The following CDCP1 variants were observed in gnomAD, a reference collection of about 807,000 sequenced individuals.
CDCP1 encodes the protein CUB domain containing protein 1, also known as CUB domain-containing protein 1.
A neutral mutation model predicts 60.2 loss-of-function variants in CDCP1; 29 were observed. The observed-to-expected ratio is 0.48, with a 90% confidence interval of 0.36 to 0.66. The LOEUF (loss-of-function observed/expected upper bound fraction) is 0.66, where lower values mean the gene tolerates loss of function less well. Among genes scored for constraint, CDCP1 ranks in the 30% least tolerant of loss-of-function variants. The pLI is 0.00. For synonymous variants in CDCP1, 387 were observed against 431.1 expected (o/e 0.90, Z 1.27); for missense variants, 876 against 1,074.3 (o/e 0.82, Z 2.58).
At chr3:45,088,480 A>G (rs1698237485) in intron 8 of CDCP1, among the ~76,000 whole-genome samples, 1 of 152,184 alleles carries the variant, frequency 6.6e-6, no homozygotes, top group Non-Finnish European at 1.5e-5. Flanking sequence ...CTCAAAAATA[A>G]ATAAATAAAT....
rs1359892466 is a variant in CDCP1 at position 45,083,902 on chromosome 3, C to T, written c.*1736G>A. On this transcript the variant is annotated 3_prime_UTR_variant, in exon 9 of 9. Coordinates refer to ENST00000296129, the MANE Select transcript of CDCP1 (RefSeq NM_022842.5). ...CCAGCCTAGGCAACAGAATGAGATC[C>T]TGTCTCACATTAAAAAAAAAAAGAA... 6.6e-6 allele frequency: 1 copy of T among 150,460 alleles called. No homozygotes were observed. Among genetic ancestry groups the T allele is most frequent in the Non-Finnish European group, 1.5e-5 (1 of 67,766 alleles). 9.3% of individuals were successfully genotyped at this position (150,460 alleles called of 1,614,324 possible).
intron 5 of CDCP1, among the ~76,000 whole-genome samples, 163 bp from the exon 6 acceptor site, chr3:45,093,820 T>G (rs554455373): frequency 1.8e-3 from 267 of 152,216 alleles, no homozygotes; most frequent in Non-Finnish European, 3.4e-3. Context: ...TCTGTGTTCC[T>G]TTTCTAGCGG....
At chr3:45,128,086 T>C (rs1699032719) in intron 1 of CDCP1, among the ~76,000 whole-genome samples, 1 of 152,140 alleles carries the variant, frequency 6.6e-6, no homozygotes, top group African/African-American at 2.4e-5. Flanking sequence ...AAGGACCACA[T>C]TAAACACTGC....
rs1698829447 is a variant in CDCP1 at position 45,118,475 on chromosome 3, C to T, written c.229G>A (p.Val77Ile). ...GGACTCTGGCAGCTAAAGGTAAAGA[C>T]TATTCTTTCTCCAGACTTGATGGAC... Reference protein sequence around the residue: ...MLSIKSGERIVFTFSCQSPEN... With the variant: ...MLSIKSGERIIFTFSCQSPEN... Residue 77 changes from valine (V) to isoleucine (I), a missense_variant, in exon 2 of 9, where the codon GTC (valine) becomes ATC (isoleucine). By Grantham distance (29) the Val-to-Ile change is conservative. Transcript: ENST00000296129. 6.2e-7 allele frequency: 1 copy of T among 1,614,152 alleles called. No individual in the cohort carries two copies.
Position 45,109,571 on chromosome 3 carries a change from C to T in CDCP1, c.1024+902G>A, listed in dbSNP as rs532730665. Among the ~76,000 whole-genome samples the T allele has an allele frequency of 2.0e-5, 3 of 152,168 alleles. No homozygotes were observed. In the East Asian group the frequency reaches 5.8e-4, roughly 30 times the overall value. ...TCACTCCTTCACATCATGCATGAGG[C>T]CCAGGAAGAGCCAGTCTGAGTTAAT... On this transcript the variant is annotated intron_variant, in intron 4 of 8. Transcript: ENST00000296129.
At chr3:45,102,642 TA>T (rs770440044) in intron 4 of CDCP1, among the ~76,000 whole-genome samples, 319 of 122,248 alleles carry the variant, frequency 2.6e-3, no homozygotes, top group Middle Eastern at 4.0e-3. Context: ...CTGTTTCTAC[TA>T]AAAAAAAAAA....
At chr3:45,131,139 G>T (rs1302782235) in intron 1 of CDCP1, among the ~76,000 whole-genome samples, 1 of 151,638 alleles carries the variant, frequency 6.6e-6, no homozygotes, top group Non-Finnish European at 1.5e-5. Context: ...TGGGATGACG[G>T]GTGCATGCCA....
At chr3:45,111,096 A>G (rs553219349) in intron 3 of CDCP1, among the ~76,000 whole-genome samples, 1 of 152,340 alleles carries the variant, frequency 6.6e-6, no homozygotes, top group South Asian at 2.1e-4. Context: ...GCCCACTTCC[A>G]TAGTGGATGT....
At chr3:45,106,483 A>G (rs1306518900) in intron 4 of CDCP1, among the ~76,000 whole-genome samples, 3 of 152,178 alleles carry the variant, frequency 2.0e-5, no homozygotes, top group African/African-American at 7.2e-5. Flanking sequence ...TTATGGTGCA[A>G]CTGGCTCTTG....
chr3:45,102,787 A>G (rs1379093569), intron 4 of CDCP1, among the ~76,000 whole-genome samples: 2 of 152,016 alleles, frequency 1.3e-5, no homozygotes, highest in African/African-American at 2.4e-5. Flanking sequence ...CAGCCTCCCT[A>G]GTAGCTGGGA....
At chr3:45,120,355 G>C (rs1485148318) in intron 1 of CDCP1, among the ~76,000 whole-genome samples, 1 of 152,116 alleles carries the variant, frequency 6.6e-6, no homozygotes, top group African/African-American at 2.4e-5. Context: ...AACCTTATAT[G>C]AACTGTAAAT....
intron 1 of CDCP1, among the ~76,000 whole-genome samples, chr3:45,140,586 C>A (rs1699272547): frequency 6.6e-6 from 1 of 152,180 alleles, no homozygotes; most frequent in East Asian, 1.9e-4. Context: ...TCATTACATA[C>A]CAGCTAGGGA....
Position 45,084,189 on chromosome 3 carries a change from G to C in CDCP1, c.*1449C>G, listed in dbSNP as rs1698147680. 6.6e-6 allele frequency: 1 copy of C among 152,076 alleles called. No homozygotes were observed. Among genetic ancestry groups the C allele is most frequent in the African/African-American group, 2.4e-5 (1 of 41,400 alleles). 9.4% of individuals were successfully genotyped at this position (152,076 alleles called of 1,614,324 possible). On this transcript the variant is annotated 3_prime_UTR_variant, in exon 9 of 9. Transcript: ENST00000296129. ...GCTCCAGCCAGTTGTTGCTAGGTGA[G>C]AATGTGAGCCCCAGCATGGCCAGAT...
At chr3:45,110,901 G>A in intron 3 of CDCP1, 60 bp from the exon 4 acceptor site, 1 of 1,543,136 alleles carries the variant, frequency 6.5e-7, no homozygotes, top group Non-Finnish European at 8.7e-7. Flanking sequence ...TGTCCTGGTT[G>A]TCTGCAGCCG....
chr3:45,117,488 G>A (rs1698811971), intron 2 of CDCP1, among the ~76,000 whole-genome samples: 1 of 152,110 alleles, frequency 6.6e-6, no homozygotes, highest in African/African-American at 2.4e-5. Flanking sequence ...CGTCACATGA[G>A]TAGTAGCCCT....
chr3:45,134,638 A>G (rs1699163744), intron 1 of CDCP1, among the ~76,000 whole-genome samples: 1 of 152,168 alleles, frequency 6.6e-6, no homozygotes, highest in African/African-American at 2.4e-5. Flanking sequence ...GGGACGGGAG[A>G]GCAAACCACA....
At chr3:45,119,926 G>A (rs923906841) in intron 1 of CDCP1, among the ~76,000 whole-genome samples, 1 of 152,204 alleles carries the variant, frequency 6.6e-6, no homozygotes, top group African/African-American at 2.4e-5. Context: ...TCATGCAAAT[G>A]GAAGCCTATA....
intron 8 of CDCP1, among the ~76,000 whole-genome samples, chr3:45,086,931 C>T (rs1036363510): frequency 6.6e-6 from 1 of 152,188 alleles, no homozygotes; most frequent in African/African-American, 2.4e-5. Flanking sequence ...CACAGGCTGG[C>T]AGTTCATAAT....
chr3:45,090,150 T>C (rs1698268365), intron 7 of CDCP1, among the ~76,000 whole-genome samples: 1 of 152,124 alleles, frequency 6.6e-6, no homozygotes, highest in African/African-American at 2.4e-5. Flanking sequence ...ACCAGTTCTC[T>C]TGAGGCTAAC....
Sources: allele counts gnomAD v4.1 joint callset (sites outside exome capture counted in the v4.1 genomes callset), GRCh38; gene constraint gnomAD v4.1.1; transcripts MANE v1.5; gene names NCBI Gene and HGNC (gene_info 2026-07-23, HGNC 2026-07-21).